Variants in NMNAT3 observed in about 807,000 individuals in gnomAD.
The protein encoded by NMNAT3 is nicotinamide/nicotinic acid mononucleotide adenylyltransferase 3.
A neutral mutation model predicts 24.8 loss-of-function variants in NMNAT3; 21 were observed. The observed-to-expected ratio is 0.85, with a 90% CI of 0.60 to 1.22. The LOEUF (loss-of-function observed/expected upper bound fraction) is 1.22. Ranked by LOEUF, NMNAT3 falls within the 50% of genes most tolerant of loss-of-function variation. The probability of loss-of-function intolerance (pLI) is 0.00; values close to 1 mark genes in which losing one functional copy is unlikely to be tolerated. For missense variants in NMNAT3, 387 were observed against 436.6 expected, an observed-to-expected ratio of 0.89 and a Z score of 1.01; for synonymous variants, 136 against 155.2, an observed-to-expected ratio of 0.88 and a Z score of 0.92.
chr3:139,675,135 T>TACACACACACACAAACACACACAC (rs2057886008), intron 1 of NMNAT3, among the ~76,000 whole-genome samples: 2 of 148,228 alleles, frequency 1.3e-5, no homozygotes. Context: ...CTTTTAAACA[T>TACACACACACACAAACACACACAC]ACACACACAC....
At chr3:139,650,210 A>AT (rs1248706822) in intron 1 of NMNAT3, among the ~76,000 whole-genome samples, 5 of 152,134 alleles carry the variant, frequency 3.3e-5, no homozygotes, top group Admixed American at 2.0e-4. Flanking sequence ...TGAAATGTTT[A>AT]TTTTTTCAAG....
At chr3:139,567,906 A>C (rs1250129271) in intron 6 of NMNAT3, 3 of 152,250 alleles carry the variant, frequency 2.0e-5, no homozygotes, top group Non-Finnish European at 4.4e-5. Flanking sequence ...CAATAGTTTC[A>C]GAAGGAATGG....
intron 2 of NMNAT3, among the ~76,000 whole-genome samples, chr3:139,631,846 G>C (rs1257509854): frequency 2.6e-5 from 4 of 152,164 alleles, no homozygotes; most frequent in Non-Finnish European, 5.9e-5. Context: ...CTCTGTACTT[G>C]TTACATATTT....
intron 3 of NMNAT3, among the ~76,000 whole-genome samples, chr3:139,616,792 G>C (rs117850328): frequency 6.6e-6 from 1 of 152,094 alleles, no homozygotes; most frequent in Admixed American, 6.6e-5. Flanking sequence ...GTGTGTATGT[G>C]CTGCAGGGTG....
chr3:139,613,496 A>G (rs933000763), intron 3 of NMNAT3, among the ~76,000 whole-genome samples: 12 of 152,232 alleles, frequency 7.9e-5, no homozygotes, highest in African/African-American at 2.9e-4. Flanking sequence ...CAGGTGCTGG[A>G]GAGGATGTGG....
At chr3:139,579,151 A>G in intron 4 of NMNAT3, 96 bp from the exon 5 acceptor site, 1 of 993,130 alleles carries the variant, frequency 1.0e-6, no homozygotes, top group South Asian at 1.6e-5. Context: ...CCAGTGCCTC[A>G]TCCTGAGTGG....
At chr3:139,642,210 A>G (rs6802609) in intron 1 of NMNAT3, among the ~76,000 whole-genome samples, 13,012 of 152,188 alleles carry the variant, frequency 0.085, 901 homozygotes, top group East Asian at 0.23. Context: ...ACTTATTATT[A>G]TATAAACTGC....
chr3:139,579,003 C>T lies in NMNAT3; in HGVS notation c.444G>A (p.Gly148=). 2 of 1,614,166 alleles carry T rather than the reference C, an allele frequency of 1.2e-6. No homozygotes were observed. Among genetic ancestry groups the T allele is most frequent in the Admixed American group, 1.7e-5 (1 of 60,018 alleles). Reference sequence around the variant, plus strand: ...GATGAGAAGCTGCGAGGTCTTTCTTCCCATAGGTGTCGTTGACAGGAGAGA... The same window carrying T: ...GATGAGAAGCTGCGAGGTCTTTCTTTCCATAGGTGTCGTTGACAGGAGAGA... Residue 148 remains glycine (G), a synonymous_variant, in exon 5 of 7, where the codon GGG becomes GGA. Coordinates refer to ENST00000643695, the MANE Select transcript of NMNAT3 (RefSeq NM_001320510.2).
At chr3:139,567,581 T>A (rs1379790669) in intron 6 of NMNAT3, 1 of 152,230 alleles carries the variant, frequency 6.6e-6, no homozygotes, top group Non-Finnish European at 1.5e-5. Context: ...TGTTGTTGAA[T>A]TTTGTCAAAG....
At chr3:139,652,906 C>G (rs991225138) in intron 1 of NMNAT3, among the ~76,000 whole-genome samples, 3 of 152,046 alleles carry the variant, frequency 2.0e-5, no homozygotes, top group Non-Finnish European at 4.4e-5. Context: ...CAAAAGTGAC[C>G]AGAGAAAAGC....
chr3:139,608,127 G>A (rs1282722507), intron 3 of NMNAT3, among the ~76,000 whole-genome samples: 12 of 152,134 alleles, frequency 7.9e-5, no homozygotes, highest in Non-Finnish European at 1.6e-4. Flanking sequence ...AATGATCATC[G>A]CTTCCCATTT....
intron 3 of NMNAT3, chr3:139,599,568 A>G: frequency 1.6e-6 from 1 of 607,416 alleles, no homozygotes; most frequent in Admixed American, 2.9e-5. Context: ...AAAAAAGACC[A>G]GAATCTCAAC....
Position 139,564,693 on chromosome 3 carries a change from T to C in NMNAT3, c.659-3301A>G, listed in dbSNP as rs555989121. Among the ~76,000 whole-genome samples, 17 of 152,334 alleles carry C rather than the reference T, an allele frequency of 1.1e-4. No homozygotes were observed. In the South Asian group the frequency reaches 3.3e-3, roughly 30 times the overall value. ...TCACGTAATTTGCAACCCCAGAGTA[T>C]AACAGCACACCAATAAAATACGCAG... is the stretch of plus-strand genomic sequence containing the variant. On this transcript the variant is annotated intron_variant, in intron 6 of 6. Transcript: ENST00000643695.
At chr3:139,577,696 G>A (rs943642275) in intron 5 of NMNAT3, 1 of 152,092 alleles carries the variant, frequency 6.6e-6, no homozygotes, top group Non-Finnish European at 1.5e-5. Context: ...TTCAATATAA[G>A]GGTCTTTGTT....
chr3:139,618,432 C>T (rs2055609608), intron 3 of NMNAT3, among the ~76,000 whole-genome samples: 1 of 152,022 alleles, frequency 6.6e-6, no homozygotes, highest in Admixed American at 6.5e-5. Context: ...AAGAAATCAA[C>T]AAAGGAAGGA....
intron 3 of NMNAT3, among the ~76,000 whole-genome samples, chr3:139,626,865 T>C (rs530385173): frequency 2.6e-5 from 4 of 152,180 alleles, no homozygotes; most frequent in Non-Finnish European, 5.9e-5. Context: ...ATAAAAACAA[T>C]GTCCTTAAAG....
At chr3:139,644,988 G>C (rs907272209) in intron 1 of NMNAT3, among the ~76,000 whole-genome samples, 3 of 152,152 alleles carry the variant, frequency 2.0e-5, no homozygotes, top group African/African-American at 4.8e-5. Flanking sequence ...TGGATCATGA[G>C]GTCAGGAGTT....
At chr3:139,567,802 C>T (rs1403624181) in intron 6 of NMNAT3, 2 of 152,052 alleles carry the variant, frequency 1.3e-5, no homozygotes, top group Admixed American at 6.6e-5. Context: ...CTAAAATTCT[C>T]TTTTTTTGTT....
intron 3 of NMNAT3, among the ~76,000 whole-genome samples, chr3:139,585,906 A>G (rs1054220694): frequency 3.9e-5 from 6 of 152,036 alleles, no homozygotes; most frequent in South Asian, 2.1e-4. Context: ...GGGGAAGTCA[A>G]CTCTGAGGCT....
Sources: gnomAD v4.1 joint callset for allele counts (sites outside exome capture counted in the v4.1 genomes callset) on GRCh38, gnomAD v4.1.1 for gene constraint, MANE v1.5 for transcripts, NCBI Gene and HGNC (gene_info 2026-07-23, HGNC 2026-07-21) for gene names.